The following ZSCAN31 variants were observed in gnomAD, a reference collection of about 807,000 sequenced individuals.
The protein encoded by ZSCAN31 is zinc finger and SCAN domain-containing protein 31.
ZSCAN31 carries 14 observed loss-of-function variants against 22.5 expected under a neutral mutation model. The observed-to-expected ratio is 0.62, with a 90% CI of 0.41 to 0.97. ZSCAN31 has a LOEUF of 0.97. Ranked by LOEUF, ZSCAN31 falls within the 50% of genes least tolerant of loss-of-function variation. The pLI is 0.00. For missense variants in ZSCAN31, 424 were observed against 483.4 expected (o/e 0.88, Z 1.15); for synonymous variants, 168 against 169.8 (o/e 0.99, Z 0.08).
At chr6:28,342,897 CT>C (rs1764472376) in intron 2 of ZSCAN31, among the ~76,000 whole-genome samples, 1 of 152,230 alleles carries the variant, frequency 6.6e-6, no homozygotes, top group Admixed American at 6.5e-5. Flanking sequence ...ATTTCTCCAA[CT>C]CTTCTACAGA....
At position 28,326,059 on chromosome 6, in the gene ZSCAN31, G is replaced by T; in HGVS notation, c.*107C>A. ...ACTTTCCAAGACGGCCCCATTTAGG[G>T]GTCTGAGGGTCCACAGAATTAGTCC... is the stretch of plus-strand genomic sequence containing the variant. On this transcript the variant is annotated 3_prime_UTR_variant, in exon 4 of 4. Coordinates refer to ENST00000344279, the MANE Select transcript of ZSCAN31 (RefSeq NM_030899.5). 9.6e-7 allele frequency: 1 copy of T among 1,037,208 alleles called. No homozygotes were observed. Among genetic ancestry groups the T allele is most frequent in the Non-Finnish European group, 1.4e-6 (1 of 711,852 alleles). 64.3% of individuals were successfully genotyped at this position (1,037,208 alleles called of 1,614,324 possible).
intron 2 of ZSCAN31, among the ~76,000 whole-genome samples, chr6:28,343,342 A>G (rs6901001): frequency 0.051 from 7,766 of 152,056 alleles, 479 homozygotes; most frequent in African/African-American, 0.15. Context: ...GGGAGTGGAA[A>G]GGTTAATATC....
Position 28,326,647 on chromosome 6 carries a change from C to T in ZSCAN31, c.740G>A (p.Ser247Asn), listed in dbSNP as rs761363079. The change falls in exon 4 of 4, where the codon AGC becomes AAC. Residue 247 changes from serine (S) to asparagine (N), a missense_variant. By Grantham distance (46) the Ser-to-Asn change is conservative (BLOSUM62 1). Coordinates refer to ENST00000344279, the MANE Select transcript of ZSCAN31 (RefSeq NM_030899.5). Reference sequence around the variant, plus strand: ...AATGAGTACTGAACTCTTAGTGAAGCTTTTCCCACATTCATTGCACCTGTG... The same window carrying T: ...AATGAGTACTGAACTCTTAGTGAAGTTTTTCCCACATTCATTGCACCTGTG... ...RRHRCNECGKSFTKSSVLIEH... is the reference protein window; with the variant it reads ...RRHRCNECGKNFTKSSVLIEH... 3.7e-5 allele frequency: 60 copies of T among 1,614,068 alleles called. No individual in the cohort carries two copies. Among genetic ancestry groups the T allele is most frequent in the Non-Finnish European group, 4.9e-5 (58 of 1,180,044 alleles).
Position 28,327,469 on chromosome 6 carries a change from T to A in ZSCAN31, c.446A>T (p.Lys149Met). 1 of 1,614,074 alleles carries A rather than the reference T, an allele frequency of 6.2e-7. No homozygotes were observed. Among genetic ancestry groups the A allele is most frequent in the Non-Finnish European group, 8.5e-7 (1 of 1,180,028 alleles). ...LLEDVEHLKV[K>M]QEPTDIQLQP... ...AAGCTGTATGTCTGTTGGTTCCTGCTTGACCTTCAGATGTTCCACATCCTC... is the reference window on the plus strand; with the variant it reads ...AAGCTGTATGTCTGTTGGTTCCTGCATGACCTTCAGATGTTCCACATCCTC... The change falls in exon 3 of 4, where the codon AAG (lysine) becomes ATG (methionine). Residue 149 changes from lysine (K) to methionine (M), a missense_variant. Coordinates refer to ENST00000344279, the MANE Select transcript of ZSCAN31 (RefSeq NM_030899.5).
chr6:28,328,225 T>C (rs944825789), intron 2 of ZSCAN31, among the ~76,000 whole-genome samples: 12 of 152,224 alleles, frequency 7.9e-5, no homozygotes, highest in Non-Finnish European at 1.5e-4. Flanking sequence ...TAACATCTTA[T>C]CAGGAGACAG....
chr6:28,354,343 C>A (rs6903652), upstream of ZSCAN31: 3 of 212,680 alleles, frequency 1.4e-5, no homozygotes, highest in South Asian at 7.7e-5. Flanking sequence ...TCACGCTGGC[C>A]TGCATATCTG....
chr6:28,331,920 G>A lies in ZSCAN31; in HGVS notation c.-95-2142C>T, dbSNP rs1364864590. Among the ~76,000 whole-genome samples the A allele has an allele frequency of 1.3e-5, 2 of 152,094 alleles. No homozygotes were observed. The highest frequency in any genetic ancestry group is 4.8e-5 in the African/African-American group (2 of 41,410). On this transcript the variant is annotated intron_variant, in intron 1 of 3. Transcript: ENST00000344279. The surrounding 1 kb of genome is among the most constrained non-coding windows in gnomAD (Gnocchi z 4.8). ...CAATTGTATTCTTCTCCCCATAATT[G>A]GTGCTTAGGATTTACCTCCTGGTCT...
chr6:28,325,940 A>C lies in ZSCAN31; in HGVS notation c.*226T>G. ...CAACCCCCTACAATCACAGTCATCC[A>C]CACAGGAGACACCAACACCTGGTTT... On this transcript the variant is annotated 3_prime_UTR_variant, in exon 4 of 4. Coordinates refer to ENST00000344279, the MANE Select transcript of ZSCAN31 (RefSeq NM_030899.5). 2.3e-6 allele frequency: 1 copy of C among 435,768 alleles called. No individual in the cohort carries two copies. The allele number at this position is 435,768 out of a possible 1,614,324, so 27.0% of individuals were successfully genotyped here.
At position 28,331,548 on chromosome 6, in the gene ZSCAN31, T is replaced by C. The variant is rs529853332; in HGVS notation, c.-95-1770A>G. Among the ~76,000 whole-genome samples, 3 of 152,218 alleles carry C rather than the reference T, an allele frequency of 2.0e-5. No individual in the cohort carries two copies. The highest frequency in any genetic ancestry group is 4.4e-5 in the Non-Finnish European group (3 of 68,052). The stretch of plus-strand genomic sequence containing the variant: ...TTACAGAATTGAGAATTTGAAGAGT[T>C]ACAAAGATCATGGCATTTATTCTTT... On this transcript the variant is annotated intron_variant, in intron 1 of 3. Transcript: ENST00000344279. The surrounding 1 kb of genome is among the most constrained non-coding windows in gnomAD (Gnocchi z 4.8).
chr6:28,338,576 G>A (rs1764292439), upstream of ZSCAN31, among the ~76,000 whole-genome samples: 1 of 152,046 alleles, frequency 6.6e-6, no homozygotes, highest in African/African-American at 2.4e-5. Context: ...TCTTGCTTCT[G>A]CCTCCCAAAA....
chr6:28,344,642 G>T (rs1370394477), intron 2 of ZSCAN31, among the ~76,000 whole-genome samples: 1 of 152,180 alleles, frequency 6.6e-6, no homozygotes, highest in Non-Finnish European at 1.5e-5. Flanking sequence ...GGCTGAAAAT[G>T]GATGGTGGCT....
At position 28,326,564 on chromosome 6, in the gene ZSCAN31, C is replaced by T; in HGVS notation, c.823G>A (p.Ala275Thr). 1 of 1,614,130 alleles carries T rather than the reference C, an allele frequency of 6.2e-7. No individual in the cohort carries two copies. Among genetic ancestry groups the T allele is most frequent in the African/African-American group, 1.3e-5 (1 of 75,026 alleles). Residue 275 changes from alanine to threonine, a missense_variant, in exon 4 of 4, where the codon GCC becomes ACC. Physicochemically the swap from Ala to Thr is moderately conservative, Grantham distance 58 (BLOSUM62 0). Coordinates refer to ENST00000344279, the MANE Select transcript of ZSCAN31 (RefSeq NM_030899.5). ...KPYECEECGKAFSRRSSLNEH... is the reference protein window; with the variant it reads ...KPYECEECGKTFSRRSSLNEH... ...TTCAGGCTTGACCTCCGGCTGAAGG[C>T]CTTCCCACATTCTTCACATTCATAT...
intron 2 of ZSCAN31, among the ~76,000 whole-genome samples, chr6:28,353,055 G>A (rs1456331805): frequency 6.7e-6 from 1 of 149,174 alleles, no homozygotes; most frequent in Non-Finnish European, 1.5e-5. Flanking sequence ...TGCAACCTCC[G>A]CCTTCCGGGT....
chr6:28,353,031 C>T (rs774569467), intron 2 of ZSCAN31, among the ~76,000 whole-genome samples: 1 of 147,176 alleles, frequency 6.8e-6, no homozygotes, highest in Admixed American at 6.9e-5. Context: ...TGCAGTGGTG[C>T]GATCTTGGCT....
chr6:28,353,996 C>T (rs1347182174), intron 1 of ZSCAN31: 1 of 454,070 alleles, frequency 2.2e-6, no homozygotes, highest in Non-Finnish European at 4.4e-6. Flanking sequence ...GCAGCTGCTG[C>T]AGCTCTCACA....
In ZSCAN31 at chr6:28,326,696, C is replaced by G; in HGVS notation, c.691G>C (p.Ala231Pro). The G allele has an allele frequency of 6.2e-7, 1 of 1,614,166 alleles. No individual in the cohort carries two copies. The highest frequency in any genetic ancestry group is 8.5e-7 in the Non-Finnish European group (1 of 1,180,022). The change falls in exon 4 of 4, where the codon GCA becomes CCA. Residue 231 changes from alanine (A) to proline (P), a missense_variant. Physicochemically the swap from Ala to Pro is conservative, Grantham distance 27. Transcript: ENST00000344279. ...TGGCGTCTCTCTCCAGTGGAATGTGCCTGCTGCTTTTCTGCCTTGCTGTCT... is the reference window on the plus strand; with the variant it reads ...TGGCGTCTCTCTCCAGTGGAATGTGGCTGCTGCTTTTCTGCCTTGCTGTCT... Reference protein sequence around the residue: ...KRDSKAEKQQAHSTGERRHRC... With the variant: ...KRDSKAEKQQPHSTGERRHRC...
At chr6:28,346,647 G>A (rs1457165912) in intron 2 of ZSCAN31, among the ~76,000 whole-genome samples, 1 of 152,068 alleles carries the variant, frequency 6.6e-6, no homozygotes, top group Non-Finnish European at 1.5e-5. Context: ...GTGAGGCACG[G>A]CACTCAGCCT....
intron 2 of ZSCAN31, among the ~76,000 whole-genome samples, chr6:28,342,428 G>A (rs866627694): frequency 2.6e-5 from 4 of 152,096 alleles, no homozygotes; most frequent in African/African-American, 9.7e-5. Context: ...TGGACACTAC[G>A]TTAGTTCCTA....
At chr6:28,337,106 G>A (rs2113839325), upstream of ZSCAN31, among the ~76,000 whole-genome samples, 1 of 152,318 alleles carries the variant, frequency 6.6e-6, no homozygotes, top group East Asian at 1.9e-4. Flanking sequence ...TCGTGGCGTG[G>A]AAGAGAGAGG....
Sources: allele counts gnomAD v4.1 joint callset (sites outside exome capture counted in the v4.1 genomes callset), GRCh38; gene constraint gnomAD v4.1.1; non-coding constraint Gnocchi (gnomAD v3.1); transcripts MANE v1.5; gene names NCBI Gene and HGNC (gene_info 2026-07-23, HGNC 2026-07-21).